GPR107: variants seen among roughly 807,000 people sequenced by gnomAD.
GPR107 encodes protein GPR107.
GPR107 carries 31 observed loss-of-function variants against 75.5 expected under a neutral mutation model. That is an observed-to-expected ratio of 0.41 (90% CI 0.31 to 0.55). The LOEUF is 0.55. Ranked by LOEUF, GPR107 falls within the 20% of genes least tolerant of loss-of-function variation. The pLI is 0.26. For synonymous variants in GPR107, 267 were observed against 251.3 expected (o/e 1.06, Z -0.59); for missense variants, 572 against 665.7 (o/e 0.86, Z 1.55).
chr9:130,092,496 G>C, intron 9 of GPR107, 115 bp downstream of exon 9: 1 of 832,404 alleles, frequency 1.2e-6, no homozygotes, highest in Non-Finnish European at 2.0e-6. Context: ...CCTTTCAAAG[G>C]GCATCTTCCC....
At chr9:130,083,706 A>G (rs1830545303) in intron 6 of GPR107, 104 bp downstream of exon 6, 1 of 618,448 alleles carries the variant, frequency 1.6e-6, no homozygotes, top group African/African-American at 1.9e-5. Context: ...ACATACATGC[A>G]TGCACAGACA....
In GPR107 at chr9:130,108,992, C is replaced by CTTT. The variant is rs11316244; in HGVS notation, c.1306+1475_1306+1477dup. 8.8e-3 allele frequency among the ~76,000 whole-genome samples: 583 copies of CTTT among 65,948 alleles called. 3 individuals are homozygous for CTTT. Among genetic ancestry groups the CTTT allele is most frequent in the African/African-American group, 9.5e-3 (147 of 15,488 alleles). The allele number at this position is 65,948 out of a possible 152,430, so 43.3% of individuals were successfully genotyped here. A position where few individuals can be genotyped will look rare whatever the true frequency, so the allele number is the denominator to read the frequency against. ...ACCTCTAGGAATAATTGGGGATATTCTTTTTTTTTTTTTTTTTTTTTTTTG... is the reference window on the plus strand; with the variant it reads ...ACCTCTAGGAATAATTGGGGATATTCTTTTTTTTTTTTTTTTTTTTTTTTTTTG... On this transcript the variant is annotated intron_variant, in intron 14 of 17. Transcript: ENST00000347136.
rs1202701554 is a variant in GPR107, at chr9:130,112,970, A to G, written c.1306+5431A>G. ...TTGTCATATTGCCCAGGCTAGTCTC[A>G]AACTCCTGAGCTCAAGTGATCCACC... On this transcript the variant is annotated intron_variant, in intron 14 of 17. Coordinates refer to ENST00000347136, the MANE Select transcript of GPR107 (RefSeq NM_020960.5). This position sits in a 1 kb window ranked among gnomAD's most constrained non-coding sequence, Gnocchi z 4.0. Among the ~76,000 whole-genome samples, 3 of 151,934 alleles carry G rather than the reference A, an allele frequency of 2.0e-5. No homozygotes were observed. Among genetic ancestry groups the G allele is most frequent in the African/African-American group, 7.2e-5 (3 of 41,384 alleles).
chr9:130,084,836 G>T (rs960044013), intron 6 of GPR107, among the ~76,000 whole-genome samples: 3 of 152,036 alleles, frequency 2.0e-5, no homozygotes, highest in Non-Finnish European at 2.9e-5. Context: ...ACATGATGTA[G>T]GATCAGGTAG....
intron 1 of GPR107, among the ~76,000 whole-genome samples, chr9:130,069,423 G>A (rs1481662233): frequency 1.3e-5 from 2 of 152,148 alleles, no homozygotes. Context: ...GAAATGATAG[G>A]GTGGAAGTGG....
chr9:130,107,301 G>A (rs956464513), intron 13 of GPR107, among the ~76,000 whole-genome samples, 195 bp from the exon 14 acceptor site: 8 of 152,050 alleles, frequency 5.3e-5, no homozygotes, highest in African/African-American at 1.9e-4. Flanking sequence ...GCCAGCAGAG[G>A]GCGACTTTAC....
chr9:130,076,552 A>G, intron 3 of GPR107, 90 bp downstream of exon 3: 5 of 740,702 alleles, frequency 6.8e-6, no homozygotes, highest in Non-Finnish European at 1.2e-5. Flanking sequence ...TTCCATTTTC[A>G]TTTTTTTTTT....
rs1016222587 is a variant in GPR107 at position 130,112,267 on chromosome 9, C to T, written c.1306+4728C>T. The stretch of plus-strand genomic sequence containing the variant: ...AGTTGATGGAGGAACGGCTTCATTC[C>T]GAGGTGCCGCCGTGCTCTGAAAGGA... On this transcript the variant is annotated intron_variant, in intron 14 of 17. Transcript: ENST00000347136. This position sits in a 1 kb window ranked among gnomAD's most constrained non-coding sequence, Gnocchi z 4.0. 9.8e-5 allele frequency among the ~76,000 whole-genome samples: 15 copies of T among 152,318 alleles called. No homozygotes were observed. Among genetic ancestry groups the T allele is most frequent in the Admixed American group, 3.9e-4 (6 of 15,296 alleles).
chr9:130,076,552 A>AT (rs879236820), intron 3 of GPR107, 90 bp downstream of exon 3: 7,437 of 712,826 alleles, frequency 0.01, no homozygotes, highest in South Asian at 0.014. Context: ...TTCCATTTTC[A>AT]TTTTTTTTTT....
chr9:130,117,524 C>T (rs1490484870), intron 14 of GPR107, among the ~76,000 whole-genome samples: 2 of 152,094 alleles, frequency 1.3e-5, no homozygotes, highest in African/African-American at 2.4e-5. Flanking sequence ...AGAAGCTGTT[C>T]GCCAGACTTT....
At chr9:130,062,480 C>A (rs1829951198) in intron 1 of GPR107, among the ~76,000 whole-genome samples, 1 of 150,092 alleles carries the variant, frequency 6.7e-6, no homozygotes, top group Non-Finnish European at 1.5e-5. Context: ...GTAGACTGAT[C>A]TAAGTAGTAG....
intron 7 of GPR107, among the ~76,000 whole-genome samples, chr9:130,088,921 G>A (rs528405648): frequency 1.7e-4 from 26 of 152,088 alleles, no homozygotes; most frequent in Non-Finnish European, 3.4e-4. Context: ...TGTAATCCCA[G>A]CACTTTGGGA....
rs1232014064 is a variant in GPR107 at position 130,139,799 on chromosome 9, G to T, written c.*4678G>T. On this transcript the variant is annotated 3_prime_UTR_variant, in exon 18 of 18. Transcript: ENST00000347136. ...TCCAGAAGGTCAGCCTTTGGAGCACGTAAGATACTGTTACAGGGTCCAGAA... is the reference window on the plus strand; with the variant it reads ...TCCAGAAGGTCAGCCTTTGGAGCACTTAAGATACTGTTACAGGGTCCAGAA... 6.6e-6 allele frequency: 1 copy of T among 152,246 alleles called. No individual in the cohort carries two copies. Among genetic ancestry groups the T allele is most frequent in the Non-Finnish European group, 1.5e-5 (1 of 68,052 alleles). The allele number at this position is 152,246 out of a possible 1,614,324, so 9.4% of individuals were successfully genotyped here.
At chr9:130,083,397 G>A (rs1830539232) in intron 5 of GPR107, 168 bp from the exon 6 acceptor site, 2 of 413,052 alleles carry the variant, frequency 4.8e-6, no homozygotes, top group Non-Finnish European at 8.7e-6. Context: ...TGCTTCGACA[G>A]TACAAGAATT....
At chr9:130,111,387 C>T (rs1280796091) in intron 14 of GPR107, among the ~76,000 whole-genome samples, 4 of 152,004 alleles carry the variant, frequency 2.6e-5, no homozygotes, top group African/African-American at 7.2e-5. Context: ...CAAAAATTAT[C>T]GGGGCTTGAT....
intron 14 of GPR107, among the ~76,000 whole-genome samples, chr9:130,123,057 G>GT (rs1266328473): frequency 6.6e-6 from 1 of 152,056 alleles, no homozygotes; most frequent in Non-Finnish European, 1.5e-5. Flanking sequence ...TTTTTCTGTT[G>GT]TTTTTTGAGA....
chr9:130,119,390 T>C (rs1415214099), intron 14 of GPR107, among the ~76,000 whole-genome samples: 1 of 152,230 alleles, frequency 6.6e-6, no homozygotes, highest in Admixed American at 6.5e-5. Context: ...TAATCCTATA[T>C]GACACTAACA....
chr9:130,072,222 A>G (rs1830226515), intron 1 of GPR107, among the ~76,000 whole-genome samples: 1 of 147,500 alleles, frequency 6.8e-6, no homozygotes, highest in African/African-American at 2.5e-5. Context: ...TTATTTATTT[A>G]ATTTTTTTTT....
chr9:130,117,307 T>A (rs1831450180), intron 14 of GPR107, among the ~76,000 whole-genome samples: 1 of 152,196 alleles, frequency 6.6e-6, no homozygotes, highest in African/African-American at 2.4e-5. Context: ...AAGAATTTTA[T>A]TCTGTGTGTA....
Sources: allele counts gnomAD v4.1 joint callset (sites outside exome capture counted in the v4.1 genomes callset), GRCh38; gene constraint gnomAD v4.1.1; non-coding constraint Gnocchi (gnomAD v3.1); transcripts MANE v1.5; gene names NCBI Gene and HGNC (gene_info 2026-07-23, HGNC 2026-07-21).